Variants in BRD7 observed in about 807,000 individuals in gnomAD.
BRD7 encodes bromodomain-containing protein 7.
A neutral mutation model predicts 82.1 loss-of-function variants in BRD7; 15 were observed. The ratio of observed to expected loss-of-function variants is 0.18; its 90% CI spans 0.12 to 0.28. The LOEUF (loss-of-function observed/expected upper bound fraction) is 0.28. Ranked by LOEUF, BRD7 falls within the 10% of genes least tolerant of loss-of-function variation. The probability of loss-of-function intolerance (pLI) is 1.00; values close to 1 mark genes in which losing one functional copy is unlikely to be tolerated. For missense variants in BRD7, 638 were observed against 779.9 expected, an observed-to-expected ratio of 0.82 and a Z score of 2.17; for synonymous variants, 232 against 266.9, an observed-to-expected ratio of 0.87 and a Z score of 1.27.
At chr16:50,320,875 T>A (rs868312458) in intron 13 of BRD7, 101 bp from the exon 14 acceptor site, 2 of 790,540 alleles carry the variant, frequency 2.5e-6, no homozygotes, top group African/African-American at 3.4e-5. Context: ...GCAAAGTTAT[T>A]CTACCTATTT....
intron 8 of BRD7, 89 bp downstream of exon 8, chr16:50,333,485 G>T: frequency 6.6e-7 from 1 of 1,516,688 alleles, no homozygotes; most frequent in Non-Finnish European, 9.0e-7. Context: ...GGCAGATATG[G>T]ATTAAAAATA....
intron 5 of BRD7, among the ~76,000 whole-genome samples, chr16:50,344,740 A>G (rs1484915294): frequency 6.6e-6 from 1 of 152,250 alleles, no homozygotes; most frequent in East Asian, 1.9e-4. Flanking sequence ...AGAAATGAAC[A>G]AAGCCTCCAA....
intron 4 of BRD7, among the ~76,000 whole-genome samples, 185 bp downstream of exon 4, chr16:50,354,240 A>G (rs755528446): frequency 2.0e-5 from 3 of 152,240 alleles, no homozygotes; most frequent in Non-Finnish European, 2.9e-5. Context: ...GTTGCCAGGG[A>G]AACAAACCAA....
At chr16:50,340,621 C>CA in intron 5 of BRD7, among the ~76,000 whole-genome samples, 1 of 152,280 alleles carries the variant, frequency 6.6e-6, no homozygotes, top group East Asian at 1.9e-4. Flanking sequence ...AAAACATTTA[C>CA]ACTACTTTTA....
chr16:50,351,114 T>C (rs2038504562), intron 4 of BRD7, among the ~76,000 whole-genome samples: 1 of 152,162 alleles, frequency 6.6e-6, no homozygotes, highest in African/African-American at 2.4e-5. Context: ...GTTTAAAAAA[T>C]AACAACTTCT....
rs1269009322 is a variant in BRD7, at chr16:50,322,143, A to G, written c.1444-105T>C. ...TTCTTGGCAAGAGAAAATGAATACA[A>G]ATATGGACTACTGGAATATAATTTT... On this transcript the variant is annotated intron_variant, in intron 12 of 16. Transcript: ENST00000394688. The G allele has an allele frequency of 6.1e-6, 5 of 824,588 alleles. No homozygotes were observed. The Admixed American group carries it at 1.3e-4, about 22-fold the overall frequency. The allele number at this position is 824,588 out of a possible 1,614,324, so 51.1% of individuals were successfully genotyped here.
intron 4 of BRD7, among the ~76,000 whole-genome samples, chr16:50,353,585 TTTTA>T (rs559080248): frequency 6.6e-5 from 10 of 151,622 alleles, no homozygotes; most frequent in South Asian, 2.1e-4. Context: ...AATAAATATA[TTTTA>T]TTTATTTATT....
intron 5 of BRD7, among the ~76,000 whole-genome samples, chr16:50,344,442 A>C (rs1255555095): frequency 1.3e-5 from 2 of 152,236 alleles, no homozygotes; most frequent in Non-Finnish European, 2.9e-5. Context: ...AGAATGCTTC[A>C]GACGATCAGT....
chr16:50,325,675 G>A, intron 11 of BRD7, 73 bp downstream of exon 11: 1 of 1,388,882 alleles, frequency 7.2e-7, no homozygotes, highest in Non-Finnish European at 9.6e-7. Flanking sequence ...AGCTTTGTCA[G>A]TCTATCCACA....
chr16:50,368,760 G>T lies in BRD7; in HGVS notation c.15C>A (p.His5Gln), dbSNP rs771992785. Residue 5 changes from histidine to glutamine, a missense_variant, in exon 1 of 17, where the codon CAC becomes CAA. This residue lies in a region of BRD7 where 172 missense variants were observed against 155.3 expected (regional missense o/e 1.11). Transcript: ENST00000394688. MGKK[H>Q]KKHKSDKHLY... ...GGTGTTTGTCCGACTTGTGCTTCTT[G>T]TGCTTCTTGCCCATGTCCGACCGGG... 5.2e-6 allele frequency: 8 copies of T among 1,550,954 alleles called. No individual in the cohort carries two copies. In the East Asian group the frequency reaches 1.9e-4, roughly 37 times the overall value.
intron 2 of BRD7, 126 bp from the exon 3 acceptor site, chr16:50,355,048 A>C (rs1016328467): frequency 5.4e-5 from 62 of 1,148,212 alleles, no homozygotes; most frequent in Non-Finnish European, 7.2e-5. Context: ...AGCTCAATGT[A>C]CTTTACTGCC....
chr16:50,332,879 A>G (rs1212749089), intron 8 of BRD7, among the ~76,000 whole-genome samples: 2 of 152,238 alleles, frequency 1.3e-5, no homozygotes, highest in Admixed American at 1.3e-4. Flanking sequence ...ATTAATGCAG[A>G]AACAGAAAAA....
At chr16:50,337,256 C>CTTTTTTTTTTTTTTTTTTTTTTTTTT (rs71138063) in intron 6 of BRD7, among the ~76,000 whole-genome samples, 1 of 93,254 alleles carries the variant, frequency 1.1e-5, no homozygotes, top group Non-Finnish European at 2.0e-5. Context: ...GTTCATTCTT[C>CTTTTTTTTTTTTTTTTTTTTTTTTTT]TTTTTTTTTT....
intron 2 of BRD7, among the ~76,000 whole-genome samples, chr16:50,363,056 T>C (rs1261226781): frequency 6.6e-6 from 1 of 152,236 alleles, no homozygotes; most frequent in Non-Finnish European, 1.5e-5. Flanking sequence ...TAAGTAGCAG[T>C]TGTTATTTGT....
intron 4 of BRD7, 132 bp from the exon 5 acceptor site, chr16:50,350,299 GA>G (rs990038663): frequency 3.3e-6 from 2 of 597,464 alleles, no homozygotes; most frequent in Non-Finnish European, 5.1e-6. Context: ...ATTTTTAACT[GA>G]AAACTGAAGA....
At chr16:50,321,866 A>G in intron 13 of BRD7, 116 bp downstream of exon 13, 2 of 907,552 alleles carry the variant, frequency 2.2e-6, no homozygotes, top group Non-Finnish European at 3.5e-6. Context: ...GGCCCTCACA[A>G]CTCTACTCAC....
intron 2 of BRD7, among the ~76,000 whole-genome samples, chr16:50,355,907 A>C (rs1293777962): frequency 6.6e-6 from 1 of 152,236 alleles, no homozygotes; most frequent in East Asian, 1.9e-4. Context: ...GACTGAGATA[A>C]AGTACTTGAA....
intron 8 of BRD7, among the ~76,000 whole-genome samples, chr16:50,333,152 G>A (rs2037642142): frequency 6.6e-6 from 1 of 152,270 alleles, no homozygotes. Context: ...AAACCAACAT[G>A]CTAAACAATA....
In BRD7 at chr16:50,319,995, G is replaced by A; in HGVS notation, c.1792C>T (p.Gln598Ter). 1 of 1,611,392 alleles carries A rather than the reference G, an allele frequency of 6.2e-7. No individual in the cohort carries two copies. ...ACGATATCACCTGGAGTTACTTGCT[G>A]TGCAAGTTCTTTAAGATTATTGGTC... Reference protein sequence around the residue: ...QVTNNLKELAQQVTPGDIVST... With the variant: ...QVTNNLKELA The change falls in exon 16 of 17, where the codon CAG becomes TAG. Residue 598 changes from glutamine (Q) to a stop codon, truncating the protein, a stop_gained. Coordinates refer to ENST00000394688, the MANE Select transcript of BRD7 (RefSeq NM_013263.5). LOFTEE classifies it high-confidence loss of function.
Sources: gnomAD v4.1 joint callset for allele counts (sites outside exome capture counted in the v4.1 genomes callset) on GRCh38, gnomAD v4.1.1 for gene constraint, gnomAD v4.1.1 regional missense constraint, MANE v1.5 for transcripts, NCBI Gene and HGNC (gene_info 2026-07-23, HGNC 2026-07-21) for gene names.